Variants in MACROD2 observed in about 807,000 individuals in gnomAD.
MACROD2 encodes the protein mono-ADP ribosylhydrolase 2, also known as ADP-ribose glycohydrolase MACROD2.
Under a neutral mutation model 70.4 loss-of-function variants are expected in MACROD2, and 36 were observed. The observed-to-expected ratio is 0.51, with a 90% CI of 0.39 to 0.68. The LOEUF is 0.68. Among genes scored for constraint, MACROD2 ranks in the 30% least tolerant of loss-of-function variants. The probability of loss-of-function intolerance (pLI) is 0.00; values close to 1 mark genes in which losing one functional copy is unlikely to be tolerated. For missense variants in MACROD2, 496 were observed against 538.4 expected, an observed-to-expected ratio of 0.92 and a Z score of 0.78; for synonymous variants, 172 against 178.8, an observed-to-expected ratio of 0.96 and a Z score of 0.30.
chr20:14,174,006 C>A (rs2148726183), intron 3 of MACROD2, among the ~76,000 whole-genome samples: 1 of 152,262 alleles, frequency 6.6e-6, no homozygotes, highest in African/African-American at 2.4e-5. Flanking sequence ...GATACCAGCA[C>A]CTGCTATGAT....
chr20:15,861,088 T>C (rs1261608477), intron 8 of MACROD2, among the ~76,000 whole-genome samples: 1 of 152,194 alleles, frequency 6.6e-6, no homozygotes, highest in African/African-American at 2.4e-5. Flanking sequence ...GGTTTGATTA[T>C]GTAAGAATCC....
At chr20:14,816,446 A>G (rs2072774984) in intron 5 of MACROD2, among the ~76,000 whole-genome samples, 2 of 152,074 alleles carry the variant, frequency 1.3e-5, no homozygotes, top group Admixed American at 6.6e-5. Flanking sequence ...TAAAGAAGAC[A>G]AATTACAGAA....
At chr20:14,055,268 A>G (rs571152981) in intron 2 of MACROD2, among the ~76,000 whole-genome samples, 1 of 152,268 alleles carries the variant, frequency 6.6e-6, no homozygotes, top group Non-Finnish European at 1.5e-5. Flanking sequence ...GGCGTTCTTT[A>G]TAGTTTTACT....
chr20:14,113,528 C>T (rs1171302200), intron 3 of MACROD2, among the ~76,000 whole-genome samples: 1 of 152,034 alleles, frequency 6.6e-6, no homozygotes, highest in Non-Finnish European at 1.5e-5. Flanking sequence ...TGCAATCAGT[C>T]ACTGGAGTTG....
At chr20:14,473,003 T>A (rs996393286) in intron 3 of MACROD2, among the ~76,000 whole-genome samples, 6 of 152,120 alleles carry the variant, frequency 3.9e-5, no homozygotes, top group Non-Finnish European at 7.4e-5. Flanking sequence ...CTAAGAGGTT[T>A]ATTTATTTAT....
chr20:15,846,911 TTATATATATATATATATATATATA>T (rs33993940), intron 8 of MACROD2, among the ~76,000 whole-genome samples: 46 of 138,182 alleles, frequency 3.3e-4, no homozygotes, highest in African/African-American at 1.1e-3. Context: ...AAAAAAAAAA[TTATATATATATATATATATATATA>T]TATATATATA....
intron 3 of MACROD2, among the ~76,000 whole-genome samples, chr20:14,104,273 A>G (rs765465121): frequency 2.0e-5 from 3 of 152,144 alleles, no homozygotes; most frequent in Non-Finnish European, 4.4e-5. Flanking sequence ...GATCTTACCT[A>G]TAAAATTTTA....
At chr20:15,732,454 T>C (rs1263891861) in intron 8 of MACROD2, among the ~76,000 whole-genome samples, 1 of 152,242 alleles carries the variant, frequency 6.6e-6, no homozygotes, top group Non-Finnish European at 1.5e-5. Flanking sequence ...CAAGGTCCGA[T>C]GTTCCCTTCT....
intron 3 of MACROD2, among the ~76,000 whole-genome samples, chr20:14,105,051 A>G (rs554280411): frequency 2.6e-5 from 4 of 152,320 alleles, no homozygotes; most frequent in South Asian, 2.1e-4. Flanking sequence ...GGAATATTCC[A>G]TGCACTTTTA....
At chr20:14,952,001 T>G (rs1167003593) in intron 5 of MACROD2, among the ~76,000 whole-genome samples, 2 of 152,016 alleles carry the variant, frequency 1.3e-5, no homozygotes, top group Non-Finnish European at 2.9e-5. Context: ...AATGCATTCC[T>G]GATCCCAAGA....
intron 3 of MACROD2, among the ~76,000 whole-genome samples, chr20:14,480,708 A>T (rs1044415044): frequency 2.8e-4 from 42 of 152,132 alleles, no homozygotes; most frequent in African/African-American, 9.9e-4. Context: ...TACAAAAGTA[A>T]TTGGTATTTT....
intron 5 of MACROD2, chr20:14,893,229 G>T (rs1049046661): frequency 1.3e-5 from 2 of 151,976 alleles, no homozygotes; most frequent in Admixed American, 1.3e-4. Context: ...TCCACCCCTT[G>T]GTTCTTGTGA....
intron 15 of MACROD2, among the ~76,000 whole-genome samples, chr20:16,040,622 A>G (rs1274463226): frequency 8.2e-6 from 1 of 121,598 alleles, no homozygotes; most frequent in Non-Finnish European, 1.9e-5. Flanking sequence ...CTGTGCAAAT[A>G]GAGGCCAGTC....
At chr20:15,044,603 C>T (rs1024803724) in intron 5 of MACROD2, among the ~76,000 whole-genome samples, 2 of 152,098 alleles carry the variant, frequency 1.3e-5, no homozygotes, top group African/African-American at 4.8e-5. Flanking sequence ...GCAGCTCTCC[C>T]AGGCAGTCTA....
chr20:15,697,708 AG>A (rs2050395693), intron 8 of MACROD2, among the ~76,000 whole-genome samples: 1 of 152,146 alleles, frequency 6.6e-6, no homozygotes, highest in East Asian at 1.9e-4. Context: ...TAGGTCTATT[AG>A]TAATCGTTTT....
chr20:15,913,368 T>G (rs2065264631), intron 10 of MACROD2, among the ~76,000 whole-genome samples: 1 of 152,202 alleles, frequency 6.6e-6, no homozygotes, highest in South Asian at 2.1e-4. Context: ...TTTCTTGTTG[T>G]GTGTATTTTT....
chr20:15,869,735 A>T (rs956188652), intron 9 of MACROD2, among the ~76,000 whole-genome samples: 1 of 152,120 alleles, frequency 6.6e-6, no homozygotes, highest in Non-Finnish European at 1.5e-5. Flanking sequence ...ATTATATATA[A>T]CATAAAAGCA....
chr20:14,432,546 A>G (rs955717208), intron 3 of MACROD2, among the ~76,000 whole-genome samples: 8 of 152,168 alleles, frequency 5.3e-5, no homozygotes, highest in African/African-American at 1.9e-4. Flanking sequence ...GTAGTATTCT[A>G]TAATACAGAT....
At chr20:14,799,496 T>C (rs2072548565) in intron 5 of MACROD2, among the ~76,000 whole-genome samples, 1 of 152,130 alleles carries the variant, frequency 6.6e-6, no homozygotes, top group South Asian at 2.1e-4. Context: ...GATGTTGAGT[T>C]CTGCATTAAC....
Sources: allele counts gnomAD v4.1 joint callset (sites outside exome capture counted in the v4.1 genomes callset), GRCh38; gene constraint gnomAD v4.1.1; transcripts MANE v1.5; gene names NCBI Gene and HGNC (gene_info 2026-07-23, HGNC 2026-07-21).